The following ATAD3C variants were observed in gnomAD, a reference collection of about 807,000 sequenced individuals.
ATAD3C encodes ATPase family AAA domain-containing protein 3C.
A neutral mutation model predicts 46.3 loss-of-function variants in ATAD3C; 38 were observed. That is an observed-to-expected ratio of 0.82 (90% CI 0.63 to 1.08). The LOEUF (loss-of-function observed/expected upper bound fraction) is 1.08, where lower values mean the gene tolerates loss of function less well. Ranked by LOEUF, ATAD3C falls within the 50% of genes least tolerant of loss-of-function variation. The pLI, the probability that ATAD3C is intolerant of heterozygous loss-of-function variation, is 0.00. For missense variants in ATAD3C, 563 were observed against 572.7 expected, an observed-to-expected ratio of 0.98 and a Z score of 0.17; for synonymous variants, 220 against 236.4, an observed-to-expected ratio of 0.93 and a Z score of 0.63.
At position 1,459,314 on chromosome 1, in the gene ATAD3C, C is replaced by T; in HGVS notation, c.812+83C>T. The T allele has an allele frequency of 6.2e-7, 1 of 1,601,250 alleles. No homozygotes were observed. Among genetic ancestry groups the T allele is most frequent in the Non-Finnish European group, 8.5e-7 (1 of 1,175,648 alleles). ...GGTTCCCACCGAGGGACCTGAGGGG[C>T]CCTGGCTCACAGTGCTGGGCAGCTG... On this transcript the variant is annotated intron_variant, in intron 9 of 11. Coordinates refer to ENST00000378785, the MANE Select transcript of ATAD3C (RefSeq NM_001039211.3). The surrounding 1 kb of genome is among the most constrained non-coding windows in gnomAD (Gnocchi z 4.9).
intron 1 of ATAD3C, among the ~76,000 whole-genome samples, chr1:1,450,985 G>A (rs1184343849): frequency 6.6e-6 from 1 of 151,982 alleles, no homozygotes; most frequent in East Asian, 1.9e-4. Context: ...AGGGCGTCTG[G>A]TCGTCCTGAG....
intron 7 of ATAD3C, among the ~76,000 whole-genome samples, chr1:1,456,778 G>T (rs2100479259): frequency 6.6e-6 from 1 of 151,078 alleles, no homozygotes. Flanking sequence ...CCCGCGCAGG[G>T]CACAGCCCGG....
In ATAD3C at chr1:1,451,000, T is replaced by A. The variant is rs548521116; in HGVS notation, c.75+242T>A. ...AGGGCGTCTGGTCGTCCTGAGGGCC[T>A]GGATCTTCTTGACATTCTCACCTCA... On this transcript the variant is annotated intron_variant, in intron 1 of 11. Coordinates refer to ENST00000378785, the MANE Select transcript of ATAD3C (RefSeq NM_001039211.3). 4.4e-4 allele frequency among the ~76,000 whole-genome samples: 67 copies of A among 151,030 alleles called. 1 individual carries two copies. The highest frequency in any genetic ancestry group is 8.8e-4 in the Non-Finnish European group (60 of 67,816).
At position 1,455,482 on chromosome 1, in the gene ATAD3C, G is replaced by T. The variant is rs1431512752; in HGVS notation, c.401G>T (p.Ser134Ile). 2.5e-6 allele frequency: 4 copies of T among 1,612,510 alleles called. No homozygotes were observed. The African/African-American group carries it at 5.3e-5, about 22-fold the overall frequency. ...PIQQVSRRLL[S>I]RPQDVLEGVV... ...CAGCAGGTCAGCCGGCGGCTCCTCA[G>T]TCGACCCCAGGACGTGCTGGAGGGT... Residue 134 changes from serine (S) to isoleucine (I), a missense_variant, in exon 5 of 12, where the codon AGT becomes ATT. This residue lies in a region of ATAD3C where 263 missense variants were observed against 243.1 expected (regional missense o/e 1.08). Coordinates refer to ENST00000378785, the MANE Select transcript of ATAD3C (RefSeq NM_001039211.3).
chr1:1,455,454 C>T lies in ATAD3C; in HGVS notation c.379-6C>T. The stretch of plus-strand genomic sequence containing the variant: ...TGACCCAATGGTGCTTCCCCTTCCC[C>T]TCCAGCAGGTCAGCCGGCGGCTCCT... On this transcript the variant is annotated splice_polypyrimidine_tract_variant and splice_region_variant and intron_variant, in intron 4 of 11. Coordinates refer to ENST00000378785, the MANE Select transcript of ATAD3C (RefSeq NM_001039211.3). The T allele has an allele frequency of 6.2e-7, 1 of 1,611,794 alleles. No homozygotes were observed. Among genetic ancestry groups the T allele is most frequent in the South Asian group, 1.1e-5 (1 of 90,806 alleles).
At chr1:1,464,182 G>T (rs1008984676) in intron 11 of ATAD3C, among the ~76,000 whole-genome samples, 8 of 148,784 alleles carry the variant, frequency 5.4e-5, no homozygotes, top group Admixed American at 2.0e-4. Flanking sequence ...ACTTCAGCCT[G>T]AGCAACAGAG....
At position 1,455,826 on chromosome 1, in the gene ATAD3C, A is replaced by G. The variant is rs1557777728; in HGVS notation, c.474A>G (p.Ile158Met). 2.5e-6 allele frequency: 4 copies of G among 1,613,340 alleles called. No homozygotes were observed. In the East Asian group the frequency reaches 6.7e-5, roughly 27 times the overall value. ...SLEARVRDIA[I>M]MTRNIKKNRG... Reference sequence around the variant, plus strand: ...AAGCACGGGTGCGCGACATCGCCATAATGACAAGGAACATCAAGAAGAACC... The same window carrying G: ...AAGCACGGGTGCGCGACATCGCCATGATGACAAGGAACATCAAGAAGAACC... The change falls in exon 6 of 12, where the codon ATA becomes ATG. Residue 158 changes from isoleucine to methionine, a missense_variant. Transcript: ENST00000378785.
At chr1:1,458,507 C>T (rs967815781) in intron 8 of ATAD3C, among the ~76,000 whole-genome samples, 14 of 151,664 alleles carry the variant, frequency 9.2e-5, no homozygotes, top group South Asian at 2.1e-4. Context: ...CCCGAACTCC[C>T]GACCTCAGGT....
chr1:1,459,051 G>A lies in ATAD3C; in HGVS notation c.742-110G>A. On this transcript the variant is annotated intron_variant, in intron 8 of 11. Coordinates refer to ENST00000378785, the MANE Select transcript of ATAD3C (RefSeq NM_001039211.3). This position sits in a 1 kb window ranked among gnomAD's most constrained non-coding sequence, Gnocchi z 4.9. ...GGCTTTTGAGTCTAGATCCGTGAAA[G>A]TGTCGCCATGTCCCTGCTCCCTGCA... 1.3e-6 allele frequency: 2 copies of A among 1,562,194 alleles called. No homozygotes were observed. Among genetic ancestry groups the A allele is most frequent in the South Asian group, 1.2e-5 (1 of 84,980 alleles).
intron 10 of ATAD3C, among the ~76,000 whole-genome samples, chr1:1,461,645 G>A (rs760974173): frequency 6.7e-6 from 1 of 149,856 alleles, no homozygotes; most frequent in Non-Finnish European, 1.5e-5. Context: ...CCCCATGTAG[G>A]GACTGGAGGG....
In ATAD3C at chr1:1,454,689, TC is replaced by T. The variant is rs562621894; in HGVS notation, c.378+193del. ...TAGGGGTCTGCATCAGTGAGACCCTTCCCCTGTCTGCCTCGGTGTCCCCTGC... is the reference window on the plus strand; with the variant it reads ...TAGGGGTCTGCATCAGTGAGACCCTTCCCTGTCTGCCTCGGTGTCCCCTGC... On this transcript the variant is annotated intron_variant, in intron 4 of 11. Coordinates refer to ENST00000378785, the MANE Select transcript of ATAD3C (RefSeq NM_001039211.3). Among the ~76,000 whole-genome samples the T allele has an allele frequency of 1.1e-4, 16 of 151,652 alleles. No homozygotes were observed. The South Asian group carries it at 3.1e-3, about 30-fold the overall frequency.
chr1:1,455,238 A>T (rs1638935243), intron 4 of ATAD3C, among the ~76,000 whole-genome samples: 1 of 150,224 alleles, frequency 6.7e-6, no homozygotes, highest in Non-Finnish European at 1.5e-5. Flanking sequence ...AAAAAAAAAA[A>T]AAAAACCCAG....
Position 1,470,124 on chromosome 1 carries a change from T to A in ATAD3C, c.*1594T>A, listed in dbSNP as rs1298013420. The A allele has an allele frequency of 6.6e-6, 1 of 152,048 alleles. No individual in the cohort carries two copies. The highest frequency in any genetic ancestry group is 2.4e-5 in the African/African-American group (1 of 41,416). The allele number at this position is 152,048 out of a possible 1,614,324, so 9.4% of individuals were successfully genotyped here. A position where few individuals can be genotyped will look rare whatever the true frequency, so the allele number is the denominator to read the frequency against. ...ACTCTCTTTTTGAACTCAGCCCGCC[T>A]GCACCCAGGTGAAATAAACAGCCTT... is the stretch of plus-strand genomic sequence containing the variant. On this transcript the variant is annotated 3_prime_UTR_variant, in exon 12 of 12. Transcript: ENST00000378785.
chr1:1,464,194 G>A (rs1639112592), intron 11 of ATAD3C, among the ~76,000 whole-genome samples: 1 of 147,230 alleles, frequency 6.8e-6, no homozygotes, highest in South Asian at 2.1e-4. Context: ...GCAACAGAGT[G>A]AGACTGTCTC....
chr1:1,457,213 G>A (rs1164310557), intron 8 of ATAD3C, 33 bp downstream of exon 8: 1 of 1,613,142 alleles, frequency 6.2e-7, no homozygotes, highest in African/African-American at 1.3e-5. Flanking sequence ...CTGGCCACAG[G>A]AGGGTGGTGG....
intron 4 of ATAD3C, among the ~76,000 whole-genome samples, chr1:1,454,703 C>T (rs558575921): frequency 4.0e-5 from 6 of 151,770 alleles, no homozygotes; most frequent in African/African-American, 9.7e-5. Flanking sequence ...CTGTCTGCCT[C>T]GGTGTCCCCT....
rs1249739292 is a variant in ATAD3C at position 1,469,724 on chromosome 1, G to A, written c.*1194G>A. 6.7e-6 allele frequency: 1 copy of A among 149,854 alleles called. No homozygotes were observed. The highest frequency in any genetic ancestry group is 2.5e-5 in the African/African-American group (1 of 40,544). 9.3% of individuals were successfully genotyped at this position (149,854 alleles called of 1,614,324 possible). On this transcript the variant is annotated 3_prime_UTR_variant, in exon 12 of 12. Transcript: ENST00000378785. ...TAGAGTCTTGCTCGCCCAGGGTGGA[G>A]TGCAGTGGTGTGATCTCGGCTCACT...
intron 11 of ATAD3C, among the ~76,000 whole-genome samples, chr1:1,464,937 G>C (rs1052612989): frequency 1.3e-5 from 2 of 151,822 alleles, no homozygotes; most frequent in African/African-American, 4.8e-5. Flanking sequence ...CCAGGCTGGA[G>C]TGCAGTGTTG....
rs1195401971 is a variant in ATAD3C at position 1,462,090 on chromosome 1, C to G, written c.981-510C>G. ...TGCACCTGACCCAAATCCCTGCTGTCGCCAGTGACGACAAAAGCTGCTCTG... is the reference window on the plus strand; with the variant it reads ...TGCACCTGACCCAAATCCCTGCTGTGGCCAGTGACGACAAAAGCTGCTCTG... On this transcript the variant is annotated intron_variant, in intron 10 of 11. Coordinates refer to ENST00000378785, the MANE Select transcript of ATAD3C (RefSeq NM_001039211.3). This position sits in a 1 kb window ranked among gnomAD's most constrained non-coding sequence, Gnocchi z 4.5. 6.6e-6 allele frequency among the ~76,000 whole-genome samples: 1 copy of G among 152,066 alleles called. No homozygotes were observed. The highest frequency in any genetic ancestry group is 1.9e-4 in the East Asian group (1 of 5,192).
Sources: gnomAD v4.1 joint callset for allele counts (sites outside exome capture counted in the v4.1 genomes callset) on GRCh38, gnomAD v4.1.1 for gene constraint, gnomAD v4.1.1 regional missense constraint, Gnocchi (gnomAD v3.1) non-coding constraint, MANE v1.5 for transcripts, NCBI Gene and HGNC (gene_info 2026-07-23, HGNC 2026-07-21) for gene names.